CADM2: variants seen among roughly 807,000 people sequenced by gnomAD.
The protein encoded by CADM2 is cell adhesion molecule 2.
CADM2 carries 12 observed loss-of-function variants against 49.8 expected under a neutral mutation model. The observed-to-expected ratio is 0.24, with a 90% confidence interval of 0.15 to 0.39. The LOEUF is 0.39. CADM2 is among the 10% of genes least tolerant of loss of function. The pLI, the probability that CADM2 is intolerant of heterozygous loss-of-function variation, is 1.00. For synonymous variants in CADM2, 214 were observed against 175.4 expected, an observed-to-expected ratio of 1.22 and a Z score of -1.74; for missense variants, 378 against 492.3, an observed-to-expected ratio of 0.77 and a Z score of 2.20.
At chr3:85,086,571 G>A (rs1451879071) in intron 1 of CADM2, among the ~76,000 whole-genome samples, 2 of 147,848 alleles carry the variant, frequency 1.4e-5, no homozygotes, top group Non-Finnish European at 3.0e-5. Flanking sequence ...GAGTGCGGTG[G>A]TGTGATCTTG....
intron 1 of CADM2, among the ~76,000 whole-genome samples, chr3:84,969,558 A>G (rs573885619): frequency 4.7e-4 from 72 of 151,674 alleles, no homozygotes; most frequent in Non-Finnish European, 8.9e-4. Context: ...CTTCTAAAAG[A>G]TTTAATCTTG....
chr3:85,056,717 C>CT (rs1460334928), intron 1 of CADM2, among the ~76,000 whole-genome samples: 4 of 152,066 alleles, frequency 2.6e-5, no homozygotes, highest in Admixed American at 2.6e-4. Flanking sequence ...ATGCCTTACA[C>CT]TAAGAAGTCA....
At chr3:85,975,045 A>G (rs1726602044) in intron 8 of CADM2, among the ~76,000 whole-genome samples, 1 of 151,334 alleles carries the variant, frequency 6.6e-6, no homozygotes, top group African/African-American at 2.4e-5. Context: ...AGATAGACAG[A>G]TAGATAGATA....
intron 1 of CADM2, among the ~76,000 whole-genome samples, chr3:85,558,482 T>A (rs543960669): frequency 6.0e-4 from 92 of 152,178 alleles, no homozygotes; most frequent in African/African-American, 2.1e-3. Flanking sequence ...TATTTTTATT[T>A]ATTACTAGAC....
intron 1 of CADM2, among the ~76,000 whole-genome samples, chr3:84,991,471 A>T (rs570692049): frequency 6.6e-6 from 1 of 152,306 alleles, no homozygotes; most frequent in Middle Eastern, 3.4e-3. Context: ...CATAAAGCAA[A>T]TTGATAAACA....
chr3:85,756,035 C>A (rs1479134123), intron 2 of CADM2, among the ~76,000 whole-genome samples: 1 of 152,084 alleles, frequency 6.6e-6, no homozygotes, highest in African/African-American at 2.4e-5. Context: ...CCATGACACA[C>A]CTTGTTAGCA....
intron 1 of CADM2, among the ~76,000 whole-genome samples, chr3:84,999,503 T>C (rs1185220163): frequency 6.6e-6 from 1 of 152,162 alleles, no homozygotes; most frequent in Admixed American, 6.6e-5. Flanking sequence ...ATGGTACTTA[T>C]GTACTCTGTT....
intron 8 of CADM2, among the ~76,000 whole-genome samples, chr3:85,989,093 T>A (rs1252260965): frequency 6.6e-6 from 1 of 152,276 alleles, no homozygotes; most frequent in Non-Finnish European, 1.5e-5. Flanking sequence ...TTAAAAATAT[T>A]AATTTTAAGC....
rs140866039 is a variant in CADM2, at chr3:85,061,794, T to C, written c.61+102126T>C. Among the ~76,000 whole-genome samples, 683 of 152,260 alleles carry C rather than the reference T, an allele frequency of 4.5e-3. 4 individuals carry two copies. Among genetic ancestry groups the C allele is most frequent in the African/African-American group, 0.016 (659 of 41,556 alleles). ...ATTTGTGTTCGGTATTGCAATGTAG[T>C]CGATATATACATATATACACATATA... is the stretch of plus-strand genomic sequence containing the variant. On this transcript the variant is annotated intron_variant, in intron 1 of 9. Transcript: ENST00000383699.
At chr3:85,735,114 G>A (rs1300459330) in intron 2 of CADM2, among the ~76,000 whole-genome samples, 1 of 151,726 alleles carries the variant, frequency 6.6e-6, no homozygotes, top group East Asian at 1.9e-4. Context: ...AAATACATCA[G>A]TTTAAGAAAA....
intron 8 of CADM2, among the ~76,000 whole-genome samples, chr3:85,997,556 CT>C (rs1466656270): frequency 1.3e-5 from 2 of 152,066 alleles, no homozygotes; most frequent in South Asian, 2.1e-4. Context: ...AATAATTCAT[CT>C]TTTTGGAAAC....
intron 1 of CADM2, among the ~76,000 whole-genome samples, chr3:85,601,194 A>T (rs2063395366): frequency 7.9e-6 from 1 of 127,114 alleles, no homozygotes; most frequent in South Asian, 2.6e-4. Flanking sequence ...ACACACATAC[A>T]TGTCATTTGC....
chr3:85,421,808 A>G (rs1305108880), intron 1 of CADM2, among the ~76,000 whole-genome samples: 1 of 152,252 alleles, frequency 6.6e-6, no homozygotes, highest in Admixed American at 6.5e-5. Context: ...AGAAAAGGGC[A>G]GCAATTACAC....
intron 8 of CADM2, among the ~76,000 whole-genome samples, chr3:86,022,766 A>G (rs1469130586): frequency 6.6e-6 from 1 of 152,154 alleles, no homozygotes; most frequent in African/African-American, 2.4e-5. Flanking sequence ...TTATTCAATA[A>G]TAATATGATT....
At chr3:85,949,519 A>C (rs1049405635) in intron 7 of CADM2, among the ~76,000 whole-genome samples, 15 of 151,260 alleles carry the variant, frequency 9.9e-5, no homozygotes, top group Non-Finnish European at 8.9e-5. Flanking sequence ...CTAGAAAACA[A>C]GGTTGTCACC....
chr3:85,431,400 A>C (rs2107522247), intron 1 of CADM2, among the ~76,000 whole-genome samples: 1 of 152,268 alleles, frequency 6.6e-6, no homozygotes. Context: ...TCATTGGATA[A>C]GTTACAGAAA....
At chr3:85,741,888 A>T (rs545617997) in intron 2 of CADM2, among the ~76,000 whole-genome samples, 1 of 152,242 alleles carries the variant, frequency 6.6e-6, no homozygotes, top group Admixed American at 6.5e-5. Flanking sequence ...CATTTCATAA[A>T]TCAGTTGAAT....
intron 1 of CADM2, among the ~76,000 whole-genome samples, chr3:85,184,225 C>A (rs2041001437): frequency 6.6e-6 from 1 of 151,986 alleles, no homozygotes; most frequent in Non-Finnish European, 1.5e-5. Flanking sequence ...TTTGATACAA[C>A]AGATTCAGTA....
In CADM2 at chr3:86,012,547, G is replaced by A. The variant is rs936742194; in HGVS notation, c.970+50900G>A. 7 of 1,467,372 alleles carry A rather than the reference G, an allele frequency of 4.8e-6. No homozygotes were observed. The African/African-American group carries it at 1.0e-4, about 21-fold the overall frequency. 90.9% of individuals were successfully genotyped at this position (1,467,372 alleles called of 1,614,324 possible). ...CGGGAGCGGAGGGCTGGGCCAGCCA[G>A]CGGGCGGGCGAAGATGCCGAACTTC... On this transcript the variant is annotated intron_variant, in intron 8 of 9. Coordinates refer to ENST00000383699, the MANE Select transcript of CADM2 (RefSeq NM_001167675.2).
Sources: gnomAD v4.1 joint callset for allele counts (sites outside exome capture counted in the v4.1 genomes callset) on GRCh38, gnomAD v4.1.1 for gene constraint, MANE v1.5 for transcripts, NCBI Gene and HGNC (gene_info 2026-07-23, HGNC 2026-07-21) for gene names.